ATP1B2: variants seen among roughly 807,000 people sequenced by gnomAD.
The protein encoded by ATP1B2 is ATPase Na+/K+ transporting subunit beta 2.
ATP1B2 carries 12 observed loss-of-function variants against 37.3 expected under a neutral mutation model. The observed-to-expected ratio is 0.32, with a 90% CI of 0.21 to 0.52. The LOEUF is 0.52. Ranked by LOEUF, ATP1B2 falls within the 20% of genes least tolerant of loss-of-function variation. The pLI is 0.96. For missense variants in ATP1B2, 324 were observed against 391.6 expected, an observed-to-expected ratio of 0.83 and a Z score of 1.46; for synonymous variants, 139 against 140.5, an observed-to-expected ratio of 0.99 and a Z score of 0.07.
In ATP1B2 at chr17:7,655,781, C is replaced by T; in HGVS notation, c.759C>T (p.Pro253=). ...CTGTGAAGTTCCTGAATGTGACCCC[C>T]AACGTGGAGGTGAATGTAGAATGTC... ...LVAVKFLNVT[P]NVEVNVECRI... Residue 253 remains proline (P), a synonymous_variant, in exon 7 of 7, where the codon CCC becomes CCT. Coordinates refer to ENST00000250111, the MANE Select transcript of ATP1B2 (RefSeq NM_001678.5). This position sits in a 1 kb window ranked among gnomAD's most constrained non-coding sequence, Gnocchi z 4.4. 1.9e-6 allele frequency: 3 copies of T among 1,614,154 alleles called. No individual in the cohort carries two copies. Among genetic ancestry groups the T allele is most frequent in the Non-Finnish European group, 2.5e-6 (3 of 1,180,034 alleles).
chr17:7,655,680 A>G lies in ATP1B2; in HGVS notation c.709-51A>G, dbSNP rs1204037461. Reference sequence around the variant, plus strand: ...GCGGGTGCGGGTGGTGAGCTAGGGAAGGAGGCCGCGTTGCCCCAGGCCTAG... The same window carrying G: ...GCGGGTGCGGGTGGTGAGCTAGGGAGGGAGGCCGCGTTGCCCCAGGCCTAG... On this transcript the variant is annotated intron_variant, in intron 6 of 6. Transcript: ENST00000250111. The surrounding 1 kb of genome is among the most constrained non-coding windows in gnomAD (Gnocchi z 4.4). The G allele has an allele frequency of 1.2e-6, 2 of 1,613,790 alleles. No homozygotes were observed. Among genetic ancestry groups the G allele is most frequent in the African/African-American group, 2.7e-5 (2 of 74,888 alleles).
Position 7,655,406 on chromosome 17 carries a change from A to C in ATP1B2, c.610-121A>C. 1 of 915,058 alleles carries C rather than the reference A, an allele frequency of 1.1e-6. No individual in the cohort carries two copies. Among genetic ancestry groups the C allele is most frequent in the Non-Finnish European group, 1.7e-6 (1 of 587,836 alleles). 56.7% of individuals were successfully genotyped at this position (915,058 alleles called of 1,614,324 possible). A position where few individuals can be genotyped will look rare whatever the true frequency, so the allele number is the denominator to read the frequency against. On this transcript the variant is annotated intron_variant, in intron 5 of 6. Transcript: ENST00000250111. The surrounding 1 kb of genome is among the most constrained non-coding windows in gnomAD (Gnocchi z 4.4). Reference sequence around the variant, plus strand: ...CACAGACTCACAGCTCCAGGGAGGCAGACTTGAGACAGGAATAATTGGGGC... The same window carrying C: ...CACAGACTCACAGCTCCAGGGAGGCCGACTTGAGACAGGAATAATTGGGGC...
intron 1 of ATP1B2, among the ~76,000 whole-genome samples, chr17:7,652,999 G>A (rs73979526): frequency 7.4e-4 from 112 of 152,302 alleles, no homozygotes; most frequent in Middle Eastern, 3.4e-3. Flanking sequence ...GCCAGTACCC[G>A]CTTTAAAAGG....
Position 7,654,221 on chromosome 17 carries a change from C to T in ATP1B2, c.516C>T (p.Ser172=), listed in dbSNP as rs1312878695. The stretch of plus-strand genomic sequence containing the variant: ...GGGACTCCACCCACTATGGTTACAG[C>T]ACTGGGCAGCCCTGTGTCTTCATCA... ...GIGDSTHYGY[S]TGQPCVFIKM... is the part of the protein sequence containing the mutation. Residue 172 remains serine, a synonymous_variant, in exon 4 of 7, where the codon AGC becomes AGT. Coordinates refer to ENST00000250111, the MANE Select transcript of ATP1B2 (RefSeq NM_001678.5). This position sits in a 1 kb window ranked among gnomAD's most constrained non-coding sequence, Gnocchi z 4.9. The T allele has an allele frequency of 2.5e-6, 4 of 1,614,004 alleles. No homozygotes were observed. In the African/African-American group the frequency reaches 4.0e-5, roughly 16 times the overall value.
chr17:7,656,155 G>C lies in ATP1B2; in HGVS notation c.*260G>C, dbSNP rs1187137406. 5.7e-6 allele frequency: 3 copies of C among 526,122 alleles called. No homozygotes were observed. In the African/African-American group the frequency reaches 5.7e-5, roughly 10 times the overall value. 32.6% of individuals were successfully genotyped at this position (526,122 alleles called of 1,614,324 possible). On this transcript the variant is annotated 3_prime_UTR_variant, in exon 7 of 7. Transcript: ENST00000250111. Reference sequence around the variant, plus strand: ...GCTAAGATGGCCACGGAGGAGTTAGGAGCCTTTCTAGTTCTGGTTTAGCTG... The same window carrying C: ...GCTAAGATGGCCACGGAGGAGTTAGCAGCCTTTCTAGTTCTGGTTTAGCTG...
intron 1 of ATP1B2, 66 bp from the exon 2 acceptor site, chr17:7,653,308 G>A (rs1368260197): frequency 6.2e-7 from 1 of 1,605,646 alleles, no homozygotes; most frequent in Non-Finnish European, 8.5e-7. Context: ...GTAGAGGGGT[G>A]TGTGGGGATA....
Position 7,651,623 on chromosome 17 carries a change from C to A in ATP1B2, c.105C>A (p.Thr35=). The change falls in exon 1 of 7, where the codon ACC becomes ACA. Residue 35 remains threonine (T), a synonymous_variant. Coordinates refer to ENST00000250111, the MANE Select transcript of ATP1B2 (RefSeq NM_001678.5). ...RTHQFMGRTG[T]SWAFILLFYL... ...ACCAGTTTATGGGCCGCACCGGGACCAGCTGGGGTACGCAGGGCCGGCACG... is the reference window on the plus strand; with the variant it reads ...ACCAGTTTATGGGCCGCACCGGGACAAGCTGGGGTACGCAGGGCCGGCACG... 6.3e-7 allele frequency: 1 copy of A among 1,598,774 alleles called. No individual in the cohort carries two copies.
chr17:7,649,207 C>T (rs758790690), upstream of ATP1B2, among the ~76,000 whole-genome samples: 1 of 151,392 alleles, frequency 6.6e-6, no homozygotes, highest in Non-Finnish European at 1.5e-5. Flanking sequence ...CTCCCACCAC[C>T]GCACCCGGCT....
intron 1 of ATP1B2, among the ~76,000 whole-genome samples, chr17:7,652,233 C>T (rs1434552834): frequency 6.6e-6 from 1 of 151,662 alleles, no homozygotes; most frequent in African/African-American, 2.4e-5. Context: ...GAGGAGTGGT[C>T]GCTGTGGTGA....
In ATP1B2 at chr17:7,651,219, G is replaced by C. The variant is rs1429760125; in HGVS notation, c.-300G>C. ...TCGTTTTGTTTCTAGACGGTTTGGTGGGGGGTGAAGCTGCATTCATACCCC... is the reference window on the plus strand; with the variant it reads ...TCGTTTTGTTTCTAGACGGTTTGGTCGGGGGTGAAGCTGCATTCATACCCC... On this transcript the variant is annotated 5_prime_UTR_variant, in exon 1 of 7. Transcript: ENST00000250111. The C allele has an allele frequency of 2.8e-6, 1 of 359,454 alleles. No individual in the cohort carries two copies. The highest frequency in any genetic ancestry group is 5.2e-6 in the Non-Finnish European group (1 of 193,268). 22.3% of individuals were successfully genotyped at this position (359,454 alleles called of 1,614,324 possible). A position where few individuals can be genotyped will look rare whatever the true frequency, so the allele number is the denominator to read the frequency against.
Position 7,651,401 on chromosome 17 carries a change from T to C in ATP1B2, c.-118T>C. The C allele has an allele frequency of 2.2e-6, 2 of 901,322 alleles. No homozygotes were observed. The highest frequency in any genetic ancestry group is 3.5e-6 in the Non-Finnish European group (2 of 577,158). 55.8% of individuals were successfully genotyped at this position (901,322 alleles called of 1,614,324 possible). A position where few individuals can be genotyped will look rare whatever the true frequency, so the allele number is the denominator to read the frequency against. On this transcript the variant is annotated 5_prime_UTR_variant, in exon 1 of 7. Coordinates refer to ENST00000250111, the MANE Select transcript of ATP1B2 (RefSeq NM_001678.5). The stretch of plus-strand genomic sequence containing the variant: ...AGCTGCATATCTGAGGGGGGTCTCC[T>C]TTGCCCGCGCCGCCTTCGCTCCCCG...
In ATP1B2 at chr17:7,657,475, T is replaced by C. The variant is rs1009835872; in HGVS notation, c.*1580T>C. The C allele has an allele frequency of 1.2e-4, 19 of 152,324 alleles. No homozygotes were observed. Among genetic ancestry groups the C allele is most frequent in the African/African-American group, 4.3e-4 (18 of 41,540 alleles). The allele number at this position is 152,324 out of a possible 1,614,324, so 9.4% of individuals were successfully genotyped here. A position where few individuals can be genotyped will look rare whatever the true frequency, so the allele number is the denominator to read the frequency against. On this transcript the variant is annotated 3_prime_UTR_variant, in exon 7 of 7. Transcript: ENST00000250111. Reference sequence around the variant, plus strand: ...CCTCCTGCTCTGAATATTCTGTAGCTGTAGAGGCATTTTAACCCTTTGTCC... The same window carrying C: ...CCTCCTGCTCTGAATATTCTGTAGCCGTAGAGGCATTTTAACCCTTTGTCC...
chr17:7,647,939 G>A (rs954633072), upstream of ATP1B2, among the ~76,000 whole-genome samples: 5 of 152,068 alleles, frequency 3.3e-5, no homozygotes, highest in African/African-American at 9.7e-5. Context: ...CTGGAAGGTC[G>A]TTCATGGACA....
intron 1 of ATP1B2, among the ~76,000 whole-genome samples, chr17:7,652,992 A>G (rs1208947830): frequency 6.6e-6 from 1 of 152,220 alleles, no homozygotes; most frequent in Non-Finnish European, 1.5e-5. Context: ...AATGGTGGCC[A>G]GTACCCGCTT....
Position 7,656,054 on chromosome 17 carries a change from G to T in ATP1B2, c.*159G>T, listed in dbSNP as rs1477074827. 2.2e-5 allele frequency: 22 copies of T among 996,296 alleles called. No homozygotes were observed. The highest frequency in any genetic ancestry group is 4.9e-5 in the African/African-American group (3 of 61,410). 61.7% of individuals were successfully genotyped at this position (996,296 alleles called of 1,614,324 possible). A position where few individuals can be genotyped will look rare whatever the true frequency, so the allele number is the denominator to read the frequency against. ...TTTCCTTGACTTCTCAACCCAGCCT[G>T]AAGTCCATTGCGGTTCCGTCACTCG... is the stretch of plus-strand genomic sequence containing the variant. On this transcript the variant is annotated 3_prime_UTR_variant, in exon 7 of 7. Transcript: ENST00000250111.
Position 7,654,014 on chromosome 17 carries a change from A to G in ATP1B2, c.347-38A>G, listed in dbSNP as rs367751526. Reference sequence around the variant, plus strand: ...GGGGACTGGGGACCTTGGAAGTGGAACATCTGGCCCCTGAGTCTCTCCCTC... The same window carrying G: ...GGGGACTGGGGACCTTGGAAGTGGAGCATCTGGCCCCTGAGTCTCTCCCTC... On this transcript the variant is annotated intron_variant, in intron 3 of 6. Coordinates refer to ENST00000250111, the MANE Select transcript of ATP1B2 (RefSeq NM_001678.5). This position sits in a 1 kb window ranked among gnomAD's most constrained non-coding sequence, Gnocchi z 4.9. 15 of 1,613,022 alleles carry G rather than the reference A, an allele frequency of 9.3e-6. No homozygotes were observed. The African/African-American group carries it at 1.3e-4, about 14-fold the overall frequency.
In ATP1B2 at chr17:7,657,441, G is replaced by A. The variant is rs1597337098; in HGVS notation, c.*1546G>A. The A allele has an allele frequency of 1.3e-5, 2 of 151,934 alleles. No homozygotes were observed. The highest frequency in any genetic ancestry group is 4.2e-4 in the South Asian group (2 of 4,812). 9.4% of individuals were successfully genotyped at this position (151,934 alleles called of 1,614,324 possible). A position where few individuals can be genotyped will look rare whatever the true frequency, so the allele number is the denominator to read the frequency against. ...AATGCCCACAGAATGTCAAATGAGG[G>A]GCCTCCTGCCTCCTGCTCTGAATAT... On this transcript the variant is annotated 3_prime_UTR_variant, in exon 7 of 7. Coordinates refer to ENST00000250111, the MANE Select transcript of ATP1B2 (RefSeq NM_001678.5).
chr17:7,651,464 C>T lies in ATP1B2; in HGVS notation c.-55C>T. On this transcript the variant is annotated 5_prime_UTR_variant, in exon 1 of 7. Coordinates refer to ENST00000250111, the MANE Select transcript of ATP1B2 (RefSeq NM_001678.5). ...TGTGGAGGGCTTCAGCGCGCGGCGC[C>T]CCCGCTTCTCCGCAACCCCCCGCCC... is the stretch of plus-strand genomic sequence containing the variant. The T allele has an allele frequency of 2.0e-6, 3 of 1,492,440 alleles. No homozygotes were observed. Among genetic ancestry groups the T allele is most frequent in the Non-Finnish European group, 2.7e-6 (3 of 1,096,420 alleles). The allele number at this position is 1,492,440 out of a possible 1,614,324, so 92.4% of individuals were successfully genotyped here. A position where few individuals can be genotyped will look rare whatever the true frequency, so the allele number is the denominator to read the frequency against.
Position 7,654,617 on chromosome 17 carries a change from C to T in ATP1B2, c.553-11C>T. The T allele has an allele frequency of 6.2e-7, 1 of 1,614,018 alleles. No homozygotes were observed. The highest frequency in any genetic ancestry group is 1.3e-5 in the African/African-American group (1 of 75,040). On this transcript the variant is annotated splice_polypyrimidine_tract_variant and intron_variant, in intron 4 of 6. Transcript: ENST00000250111. The surrounding 1 kb of genome is among the most constrained non-coding windows in gnomAD (Gnocchi z 4.9). Reference sequence around the variant, plus strand: ...TCCTCTGACTCTCTTCACCTTCCACCCTCACTCCAGGTCATCAACTTCTAT... The same window carrying T: ...TCCTCTGACTCTCTTCACCTTCCACTCTCACTCCAGGTCATCAACTTCTAT...
Sources: allele counts gnomAD v4.1 joint callset (sites outside exome capture counted in the v4.1 genomes callset), GRCh38; gene constraint gnomAD v4.1.1; non-coding constraint Gnocchi (gnomAD v3.1); transcripts MANE v1.5; gene names NCBI Gene and HGNC (gene_info 2026-07-23, HGNC 2026-07-21).